KCNU1: variants seen among roughly 807,000 people sequenced by gnomAD.
KCNU1 encodes the protein potassium channel subfamily U member 1.
KCNU1 carries 93 observed loss-of-function variants against 126.8 expected under a neutral mutation model. That is an observed-to-expected ratio of 0.73 (90% CI 0.62 to 0.87). The LOEUF (loss-of-function observed/expected upper bound fraction) is 0.87, where lower values mean the gene tolerates loss of function less well. KCNU1 is among the 40% of genes least tolerant of loss of function. The pLI is 0.00. For missense variants in KCNU1, 1,330 were observed against 1,367.1 expected, an observed-to-expected ratio of 0.97 and a Z score of 0.43; for synonymous variants, 523 against 494.2, an observed-to-expected ratio of 1.06 and a Z score of -0.77.
intron 10 of KCNU1, 100 bp from the exon 11 acceptor site, chr8:36,833,454 G>T: frequency 1.5e-6 from 1 of 652,770 alleles, no homozygotes; most frequent in African/African-American, 1.8e-5. Context: ...ATATCACTAT[G>T]AGGGATTCTA....
chr8:36,930,909 T>C, intron 24 of KCNU1, 42 bp from the exon 25 acceptor site: 1 of 1,462,344 alleles, frequency 6.8e-7, no homozygotes. Context: ...GTTCACATAT[T>C]GGCTCTTCTG....
intron 21 of KCNU1, 89 bp from the exon 22 acceptor site, chr8:36,910,841 T>C: frequency 1.1e-6 from 1 of 884,142 alleles, no homozygotes; most frequent in South Asian, 2.2e-5. Flanking sequence ...GCTCAAAAAT[T>C]ACATCACTCA....
intron 10 of KCNU1, among the ~76,000 whole-genome samples, chr8:36,823,845 T>C (rs1273736055): frequency 6.6e-6 from 1 of 151,366 alleles, no homozygotes; most frequent in Non-Finnish European, 1.5e-5. Flanking sequence ...CCTTTTTTTT[T>C]TTTTTTTTTG....
At chr8:36,899,095 A>G (rs1010018239) in intron 19 of KCNU1, among the ~76,000 whole-genome samples, 2 of 152,118 alleles carry the variant, frequency 1.3e-5, no homozygotes, top group African/African-American at 4.8e-5. Context: ...AGAGATGCCT[A>G]TACAAATTCA....
At chr8:36,921,381 T>C in intron 23 of KCNU1, among the ~76,000 whole-genome samples, 1 of 152,060 alleles carries the variant, frequency 6.6e-6, no homozygotes, top group East Asian at 1.9e-4. Context: ...ATCTCTATCT[T>C]CCAATGCTGT....
Position 36,923,488 on chromosome 8 carries a change from A to G in KCNU1, c.2736+859A>G, listed in dbSNP as rs554616129. Among the ~76,000 whole-genome samples, 9 of 152,250 alleles carry G rather than the reference A, an allele frequency of 5.9e-5. No homozygotes were observed. In the South Asian group the frequency reaches 1.9e-3, roughly 32 times the overall value. ...CAGCATGTGACCCCAGCTCTGGGGG[A>G]GAGGAGAGAACACAGCATTCAGAAG... On this transcript the variant is annotated intron_variant, in intron 24 of 26. Transcript: ENST00000399881.
intron 2 of KCNU1, among the ~76,000 whole-genome samples, chr8:36,796,950 A>G (rs1279321028): frequency 1.3e-5 from 2 of 152,208 alleles, no homozygotes; most frequent in Non-Finnish European, 2.9e-5. Flanking sequence ...ATATCTAAAT[A>G]TTAGTGGCTT....
intron 6 of KCNU1, 58 bp downstream of exon 6, chr8:36,807,508 T>C (rs1803549091): frequency 8.1e-7 from 1 of 1,227,064 alleles, no homozygotes; most frequent in Non-Finnish European, 1.2e-6. Context: ...AAAATGAATG[T>C]ATTAACTGGA....
At chr8:36,894,301 G>T (rs1807094524) in intron 19 of KCNU1, among the ~76,000 whole-genome samples, 1 of 152,096 alleles carries the variant, frequency 6.6e-6, no homozygotes. Flanking sequence ...GCCATGGTTA[G>T]AAAAATTATA....
rs186736364 is a variant in KCNU1, at chr8:36,805,178, C to G, written c.378-17C>G. On this transcript the variant is annotated splice_polypyrimidine_tract_variant and intron_variant, in intron 3 of 26. Coordinates refer to ENST00000399881, the MANE Select transcript of KCNU1 (RefSeq NM_001031836.3). ...AAAAATGTTGATCTTCACAAACTGT[C>G]CTTCTTTCTTTTCCAGCCCTGTTGG... 3 of 1,572,706 alleles carry G rather than the reference C, an allele frequency of 1.9e-6. No individual in the cohort carries two copies. Among genetic ancestry groups the G allele is most frequent in the Non-Finnish European group, 2.6e-6 (3 of 1,145,778 alleles).
intron 14 of KCNU1, among the ~76,000 whole-genome samples, chr8:36,837,170 A>T (rs1804781593): frequency 6.6e-6 from 1 of 152,146 alleles, no homozygotes. Context: ...ATATTTATCT[A>T]CAAAACAGAA....
chr8:36,816,138 A>G (rs1803901947), intron 9 of KCNU1, among the ~76,000 whole-genome samples: 1 of 152,166 alleles, frequency 6.6e-6, no homozygotes, highest in African/African-American at 2.4e-5. Flanking sequence ...AGCTCCCCTA[A>G]ACCATCGGGG....
intron 16 of KCNU1, among the ~76,000 whole-genome samples, chr8:36,842,620 A>T (rs957843154): frequency 6.6e-6 from 1 of 152,154 alleles, no homozygotes; most frequent in Non-Finnish European, 1.5e-5. Flanking sequence ...TTTAGTAACA[A>T]GTTTGTCTTT....
At chr8:36,902,194 G>A (rs957312852) in intron 19 of KCNU1, among the ~76,000 whole-genome samples, 2 of 152,064 alleles carry the variant, frequency 1.3e-5, no homozygotes, top group Non-Finnish European at 2.9e-5. Flanking sequence ...TCTCCAACAG[G>A]TGTTTCCTTT....
At chr8:36,836,415 T>G (rs1277096724) in intron 13 of KCNU1, 50 bp downstream of exon 13, 1 of 1,253,458 alleles carries the variant, frequency 8.0e-7, no homozygotes, top group Non-Finnish European at 1.1e-6. Flanking sequence ...TCTATATAGC[T>G]AGACGAACTT....
intron 22 of KCNU1, among the ~76,000 whole-genome samples, chr8:36,915,951 AGAG>A (rs1329047684): frequency 1.3e-5 from 2 of 151,904 alleles, no homozygotes; most frequent in Non-Finnish European, 2.9e-5. Flanking sequence ...GAGGAGGAAA[AGAG>A]GAGGAAGGAA....
intron 5 of KCNU1, among the ~76,000 whole-genome samples, chr8:36,806,676 C>T (rs904049562): frequency 6.6e-6 from 1 of 152,078 alleles, no homozygotes; most frequent in African/African-American, 2.4e-5. Context: ...ATGCTGGGAT[C>T]CCACAGGAGC....
At chr8:36,861,599 A>G (rs1805732407) in intron 18 of KCNU1, among the ~76,000 whole-genome samples, 1 of 152,208 alleles carries the variant, frequency 6.6e-6, no homozygotes. Context: ...GTTTTTATCT[A>G]GAATATGTAA....
chr8:36,800,008 T>G (rs1241125246), intron 2 of KCNU1, among the ~76,000 whole-genome samples: 1 of 152,160 alleles, frequency 6.6e-6, no homozygotes. Flanking sequence ...TCTCTCACTT[T>G]CTTATCATTC....
Sources: gnomAD v4.1 joint callset for allele counts (sites outside exome capture counted in the v4.1 genomes callset) on GRCh38, gnomAD v4.1.1 for gene constraint, MANE v1.5 for transcripts, NCBI Gene and HGNC (gene_info 2026-07-23, HGNC 2026-07-21) for gene names.